Variants in DCLK2 observed in about 807,000 individuals in gnomAD.
DCLK2 encodes doublecortin like kinase 2, also known as serine/threonine-protein kinase DCLK2.
In DCLK2, 31 loss-of-function variants were observed where a neutral mutation model predicts 78.4. The ratio of observed to expected loss-of-function variants is 0.40; its 90% CI spans 0.30 to 0.53. The LOEUF is 0.53. Ranked by LOEUF, DCLK2 falls within the 20% of genes least tolerant of loss-of-function variation. The pLI is 0.61. For missense variants in DCLK2, 872 were observed against 973.7 expected (o/e 0.90, Z 1.39); for synonymous variants, 407 against 374.9 (o/e 1.09, Z -0.99).
Position 150,098,112 on chromosome 4 carries a change from G to A in DCLK2, c.422-4366G>A, listed in dbSNP as rs146340804. Among the ~76,000 whole-genome samples, 453 of 152,184 alleles carry A rather than the reference G, an allele frequency of 3.0e-3. 4 individuals are homozygous for A. Among genetic ancestry groups the A allele is most frequent in the African/African-American group, 0.01 (432 of 41,536 alleles). On this transcript the variant is annotated intron_variant, in intron 1 of 15. Coordinates refer to ENST00000296550, the MANE Select transcript of DCLK2 (RefSeq NM_001040260.4). ...AATATTAGGAAGGATCTAAGGAAAC[G>A]GGGGCTCACTCTGTCTTGGGTGCTG...
chr4:150,198,211 A>G, intron 4 of DCLK2, 108 bp downstream of exon 4: 2 of 898,238 alleles, frequency 2.2e-6, no homozygotes, highest in Non-Finnish European at 3.2e-6. Context: ...GTATGCAGCC[A>G]AGTTCCAGAA....
intron 2 of DCLK2, among the ~76,000 whole-genome samples, chr4:150,138,866 T>G (rs372776504): frequency 1.4e-3 from 216 of 152,022 alleles, no homozygotes; most frequent in African/African-American, 3.8e-3. Context: ...GGGTTTCACC[T>G]TGTTAGCCAG....
At chr4:150,134,662 C>A (rs1055226432) in intron 2 of DCLK2, among the ~76,000 whole-genome samples, 1 of 152,062 alleles carries the variant, frequency 6.6e-6, no homozygotes, top group East Asian at 1.9e-4. Flanking sequence ...CTAGGAAGCA[C>A]GTATAATTGC....
At chr4:150,166,980 A>T (rs1377684560) in intron 2 of DCLK2, among the ~76,000 whole-genome samples, 1 of 152,210 alleles carries the variant, frequency 6.6e-6, no homozygotes, top group Non-Finnish European at 1.5e-5. Context: ...ATAGCCACTG[A>T]TTAAAGAGTA....
intron 4 of DCLK2, chr4:150,198,916 C>CT: frequency 1.7e-6 from 1 of 579,130 alleles, no homozygotes; most frequent in Non-Finnish European, 2.9e-6. Flanking sequence ...CAGCACCCCC[C>CT]CCCCCACTTT....
rs370078663 is a variant in DCLK2 at position 150,170,590 on chromosome 4, C to G, written c.757-22548C>G. On this transcript the variant is annotated intron_variant, in intron 2 of 15. Transcript: ENST00000296550. ...TAGCGAGGTTCATAGAAGATATTCCCTCTGATACTGGGAAATGAAAAATAG... is the reference window on the plus strand; with the variant it reads ...TAGCGAGGTTCATAGAAGATATTCCGTCTGATACTGGGAAATGAAAAATAG... Among the ~76,000 whole-genome samples, 50 of 152,266 alleles carry G rather than the reference C, an allele frequency of 3.3e-4. No individual in the cohort carries two copies. In the South Asian group the frequency reaches 0.01, roughly 31 times the overall value.
intron 2 of DCLK2, among the ~76,000 whole-genome samples, chr4:150,110,611 A>G (rs957453379): frequency 6.6e-6 from 1 of 152,062 alleles, no homozygotes; most frequent in South Asian, 2.1e-4. Context: ...CCCAATATGT[A>G]GTTTTTTAAT....
At position 150,211,997 on chromosome 4, in the gene DCLK2, T is replaced by G. The variant is rs117916715; in HGVS notation, c.1056+8108T>G. The stretch of plus-strand genomic sequence containing the variant: ...ATGAAGAAAGCATTTCCCTGAACTT[T>G]AATTCATCATTCATGTTCCAGTTTA... On this transcript the variant is annotated intron_variant, in intron 5 of 15. Transcript: ENST00000296550. 2.4e-4 allele frequency among the ~76,000 whole-genome samples: 36 copies of G among 152,302 alleles called. No homozygotes were observed. The East Asian group carries it at 3.1e-3, about 13-fold the overall frequency.
intron 15 of DCLK2, among the ~76,000 whole-genome samples, chr4:150,254,820 C>T (rs575270646): frequency 2.0e-5 from 3 of 152,238 alleles, no homozygotes; most frequent in Admixed American, 2.0e-4. Context: ...GCTAGGACTA[C>T]AGGTGCACGC....
At chr4:150,217,754 C>G (rs1740832994) in intron 5 of DCLK2, among the ~76,000 whole-genome samples, 1 of 152,128 alleles carries the variant, frequency 6.6e-6, no homozygotes, top group Admixed American at 6.5e-5. Context: ...AAACTATCCC[C>G]TTTATTTTTT....
In DCLK2 at chr4:150,220,787, C is replaced by T. The variant is rs1245630282; in HGVS notation, c.1132+9C>T. On this transcript the variant is annotated intron_variant, in intron 6 of 15. Coordinates refer to ENST00000296550, the MANE Select transcript of DCLK2 (RefSeq NM_001040260.4). ...TTGCATAAGTCCTGAAGGTAGTTCTCAGTCTGATCATTACTTTGATAAAGG... is the reference window on the plus strand; with the variant it reads ...TTGCATAAGTCCTGAAGGTAGTTCTTAGTCTGATCATTACTTTGATAAAGG... 3.1e-6 allele frequency: 5 copies of T among 1,607,716 alleles called. No homozygotes were observed. The highest frequency in any genetic ancestry group is 1.3e-5 in the African/African-American group (1 of 74,892).
chr4:150,143,983 C>G (rs575571200), intron 2 of DCLK2, among the ~76,000 whole-genome samples: 10 of 151,906 alleles, frequency 6.6e-5, no homozygotes, highest in Non-Finnish European at 1.2e-4. Flanking sequence ...TTTTCCCATT[C>G]TGTAGGTTGG....
intron 2 of DCLK2, among the ~76,000 whole-genome samples, chr4:150,157,149 G>A (rs369584562): frequency 1.4e-5 from 2 of 143,250 alleles, no homozygotes; most frequent in Non-Finnish European, 3.0e-5. Context: ...GCGTTAGCTG[G>A]TTTAGTGTTT....
At chr4:150,227,482 G>A (rs1553972327) in intron 8 of DCLK2, among the ~76,000 whole-genome samples, 1 of 152,160 alleles carries the variant, frequency 6.6e-6, no homozygotes, top group South Asian at 2.1e-4. Flanking sequence ...GCTGGAGCAG[G>A]AACAGTGGGT....
At chr4:150,196,919 C>T (rs916339936) in intron 3 of DCLK2, among the ~76,000 whole-genome samples, 2 of 151,914 alleles carry the variant, frequency 1.3e-5, no homozygotes. Context: ...TTTGGGAGGC[C>T]GAGGCCAGCA....
intron 2 of DCLK2, among the ~76,000 whole-genome samples, chr4:150,148,251 C>G (rs1426352683): frequency 6.6e-6 from 1 of 152,110 alleles, no homozygotes; most frequent in East Asian, 1.9e-4. Context: ...GTAGTCCCAG[C>G]TACTTGGAGG....
At chr4:150,180,330 C>G (rs764643093) in intron 2 of DCLK2, among the ~76,000 whole-genome samples, 2 of 152,100 alleles carry the variant, frequency 1.3e-5, no homozygotes, top group African/African-American at 4.8e-5. Flanking sequence ...TGTGTCATTG[C>G]ATAGTTAGGT....
rs375833401 is a variant in DCLK2 at position 150,100,385 on chromosome 4, C to T, written c.422-2093C>T. On this transcript the variant is annotated intron_variant, in intron 1 of 15. Coordinates refer to ENST00000296550, the MANE Select transcript of DCLK2 (RefSeq NM_001040260.4). The stretch of plus-strand genomic sequence containing the variant: ...CAGAGAAATTTAGGAAGCATCTCTC[C>T]TTGTGGATATGTCAACTGTGTAGAA... Among the ~76,000 whole-genome samples, 14 of 152,254 alleles carry T rather than the reference C, an allele frequency of 9.2e-5. No homozygotes were observed. In the East Asian group the frequency reaches 1.9e-3, roughly 21 times the overall value.
At chr4:150,254,918 T>A (rs1388496339) in intron 15 of DCLK2, among the ~76,000 whole-genome samples, 1 of 152,102 alleles carries the variant, frequency 6.6e-6, no homozygotes. Flanking sequence ...CCTCAAGTGA[T>A]CCTCCCTCCT....
Sources: allele counts gnomAD v4.1 joint callset (sites outside exome capture counted in the v4.1 genomes callset), GRCh38; gene constraint gnomAD v4.1.1; transcripts MANE v1.5; gene names NCBI Gene and HGNC (gene_info 2026-07-23, HGNC 2026-07-21).